The following SPMIP6 variants were observed in gnomAD, a reference collection of about 807,000 sequenced individuals.
SPMIP6 encodes the protein ciliated bronchial epithelial protein 1.
the SPMIP6 span, chr9:34,382,741 G>A: frequency 6.3e-7 from 1 of 1,582,734 alleles, no homozygotes; most frequent in South Asian, 1.1e-5. Context: ...TCTGTGCTGG[G>A]TGCAACAGAT....
the SPMIP6 span, chr9:34,381,676 T>G: frequency 7.1e-7 from 1 of 1,402,106 alleles, no homozygotes; most frequent in East Asian, 2.6e-5. This position sits in a 1 kb window ranked among gnomAD's most constrained non-coding sequence, Gnocchi z 4.4. Flanking sequence ...GTTTGGCTCC[T>G]GGGCCTGTGA....
the SPMIP6 span, chr9:34,380,825 G>A: frequency 6.9e-7 from 1 of 1,444,298 alleles, no homozygotes; most frequent in South Asian, 1.3e-5. Context: ...GGCCGGGCTG[G>A]AAGGGGGCGG....
At chr9:34,379,304 A>C in the SPMIP6 span, 1 of 682,806 alleles carries the variant, frequency 1.5e-6, no homozygotes, top group Admixed American at 2.2e-5. This position sits in a 1 kb window ranked among gnomAD's most constrained non-coding sequence, Gnocchi z 4.2. Flanking sequence ...GGGTTCCAAT[A>C]CTGACCTCCT....
the SPMIP6 span, among the ~76,000 whole-genome samples, chr9:34,387,767 G>A: frequency 6.6e-6 from 1 of 152,234 alleles, no homozygotes; most frequent in Non-Finnish European, 1.5e-5. Flanking sequence ...TTTGAGCTGT[G>A]TGTAGGCTTT....
the SPMIP6 span, among the ~76,000 whole-genome samples, chr9:34,387,791 A>G: frequency 6.6e-6 from 1 of 152,204 alleles, no homozygotes; most frequent in Admixed American, 6.5e-5. Flanking sequence ...CACCATCAGC[A>G]TCACTGTAGG....
chr9:34,388,921 CCTCT>C, the SPMIP6 span, among the ~76,000 whole-genome samples: 10 of 137,816 alleles, frequency 7.3e-5, no homozygotes, highest in Non-Finnish European at 9.2e-5. Context: ...ACATTTCTTT[CCTCT>C]CTCTTTCTTT....
At chr9:34,389,425 T>A in the SPMIP6 span, among the ~76,000 whole-genome samples, 2 of 152,252 alleles carry the variant, frequency 1.3e-5, no homozygotes, top group African/African-American at 4.8e-5. Context: ...GTGTTACAGC[T>A]ATTTCTTGAA....
the SPMIP6 span, among the ~76,000 whole-genome samples, chr9:34,381,935 G>A: frequency 6.6e-6 from 1 of 152,142 alleles, no homozygotes; most frequent in Non-Finnish European, 1.5e-5. The surrounding 1 kb of genome is among the most constrained non-coding windows in gnomAD (Gnocchi z 4.4). Flanking sequence ...TTGAGTTTGC[G>A]GCCGTGGCTG....
At chr9:34,382,843 C>A in the SPMIP6 span, 4 of 1,613,842 alleles carry the variant, frequency 2.5e-6, no homozygotes, top group African/African-American at 5.3e-5. Context: ...CAGTCACTGC[C>A]CAGGTAGTTT....
chr9:34,387,958 C>T, the SPMIP6 span, among the ~76,000 whole-genome samples: 10 of 152,064 alleles, frequency 6.6e-5, no homozygotes, highest in Non-Finnish European at 8.8e-5. Flanking sequence ...CTGAAGATTG[C>T]GCTGGGGATT....
At chr9:34,391,069 T>C in the SPMIP6 span, among the ~76,000 whole-genome samples, 1 of 152,248 alleles carries the variant, frequency 6.6e-6, no homozygotes, top group African/African-American at 2.4e-5. Context: ...TTATCTATGC[T>C]GGGTGTTTTC....
chr9:34,385,760 G>A, the SPMIP6 span: 26 of 1,613,372 alleles, frequency 1.6e-5, no homozygotes, highest in Admixed American at 6.7e-5. Flanking sequence ...TCCACATGTC[G>A]CTCCATGGTA....
chr9:34,397,260 A>G, the SPMIP6 span, among the ~76,000 whole-genome samples: 1 of 152,136 alleles, frequency 6.6e-6, no homozygotes, highest in African/African-American at 2.4e-5. Flanking sequence ...GTATTTTTGA[A>G]GAATTTATAA....
the SPMIP6 span, chr9:34,381,394 A>AT: frequency 6.2e-7 from 1 of 1,614,120 alleles, no homozygotes; most frequent in East Asian, 2.2e-5. The surrounding 1 kb of genome is among the most constrained non-coding windows in gnomAD (Gnocchi z 4.4). Context: ...GCTCCGGCCT[A>AT]GGAGGGCATT....
the SPMIP6 span, among the ~76,000 whole-genome samples, chr9:34,395,852 A>G: frequency 2.6e-5 from 4 of 152,328 alleles, no homozygotes; most frequent in South Asian, 6.2e-4. Flanking sequence ...AAATCTGTTC[A>G]TCTACTTTTT....
the SPMIP6 span, among the ~76,000 whole-genome samples, chr9:34,384,430 T>A: frequency 6.6e-6 from 1 of 152,100 alleles, no homozygotes; most frequent in Non-Finnish European, 1.5e-5. Flanking sequence ...AAGTAGAGTG[T>A]GGTCATAGCC....
At chr9:34,379,215 C>G in the SPMIP6 span, 1 of 1,282,204 alleles carries the variant, frequency 7.8e-7, no homozygotes, top group Non-Finnish European at 1.1e-6. The surrounding 1 kb of genome is among the most constrained non-coding windows in gnomAD (Gnocchi z 4.2). Context: ...GTTTTGGATC[C>G]TCATATGTCA....
the SPMIP6 span, among the ~76,000 whole-genome samples, chr9:34,396,478 G>A: frequency 1.3e-5 from 2 of 152,232 alleles, no homozygotes; most frequent in Non-Finnish European, 2.9e-5. Flanking sequence ...TGGCCAGAGT[G>A]GCCTAACTCA....
chr9:34,380,670 G>A, the SPMIP6 span: 2 of 1,543,288 alleles, frequency 1.3e-6, no homozygotes, highest in African/African-American at 1.4e-5. Flanking sequence ...GAGAGGGACA[G>A]GGGTCGGGGA....
Sources: gnomAD v4.1 joint callset for allele counts (sites outside exome capture counted in the v4.1 genomes callset) on GRCh38, gnomAD v4.1.1 for gene constraint, Gnocchi (gnomAD v3.1) non-coding constraint, MANE v1.5 for transcripts, NCBI Gene and HGNC (gene_info 2026-07-23, HGNC 2026-07-21) for gene names.